Variants in MCPH1 observed in about 807,000 individuals in gnomAD.
MCPH1 encodes microcephalin.
Under a neutral mutation model 84.5 loss-of-function variants are expected in MCPH1, and 104 were observed. That is an observed-to-expected ratio of 1.23 (90% CI 1.05 to 1.45). The LOEUF is 1.45. Among genes scored for constraint, MCPH1 ranks in the 40% most tolerant of loss-of-function variants. The probability of loss-of-function intolerance (pLI) is 0.00; values close to 1 mark genes in which losing one functional copy is unlikely to be tolerated. For synonymous variants in MCPH1, 514 were observed against 366.8 expected (o/e 1.40, Z -4.58); for missense variants, 1,498 against 1,005.7 (o/e 1.49, Z -6.62).
chr8:6,633,422 A>G (rs1285085607), intron 13 of MCPH1, among the ~76,000 whole-genome samples: 1 of 152,214 alleles, frequency 6.6e-6, no homozygotes, highest in Non-Finnish European at 1.5e-5. Flanking sequence ...ATAGTAAATA[A>G]TAGTGGATTC....
In MCPH1 at chr8:6,630,214, G is replaced by A. The variant is rs2928591; in HGVS notation, c.2452+8523G>A. Among the ~76,000 whole-genome samples the A allele has an allele frequency of 1.0e-3, 157 of 152,256 alleles. 1 individual carries two copies. Among genetic ancestry groups the A allele is most frequent in the African/African-American group, 3.7e-3 (153 of 41,546 alleles). On this transcript the variant is annotated intron_variant, in intron 13 of 13. Coordinates refer to ENST00000344683, the MANE Select transcript of MCPH1 (RefSeq NM_024596.5). ...CAATAGCAAAAAACTGACTTCTTTGGCTGGGAAAAACTTATAAATATTAAA... is the reference window on the plus strand; with the variant it reads ...CAATAGCAAAAAACTGACTTCTTTGACTGGGAAAAACTTATAAATATTAAA...
At chr8:6,463,286 C>T (rs1031949767) in intron 9 of MCPH1, among the ~76,000 whole-genome samples, 2 of 152,116 alleles carry the variant, frequency 1.3e-5, no homozygotes, top group Non-Finnish European at 2.9e-5. Context: ...CCTCAGTTTT[C>T]GAGAGATGCT....
chr8:6,543,364 C>T (rs150536307), intron 12 of MCPH1, among the ~76,000 whole-genome samples: 40 of 152,258 alleles, frequency 2.6e-4, no homozygotes, highest in African/African-American at 7.9e-4. Flanking sequence ...AACTGCTCCT[C>T]GTCTCCTGCC....
At chr8:6,603,304 G>C (rs1253857522) in intron 12 of MCPH1, among the ~76,000 whole-genome samples, 1 of 152,072 alleles carries the variant, frequency 6.6e-6, no homozygotes, top group Non-Finnish European at 1.5e-5. Context: ...GATTGTGCAG[G>C]GGTGGAATGG....
rs2129559816 is a variant in MCPH1, at chr8:6,480,866, C to T, written c.2126C>T (p.Ser709Phe). 5 of 1,614,082 alleles carry T rather than the reference C, an allele frequency of 3.1e-6. No homozygotes were observed. The highest frequency in any genetic ancestry group is 2.5e-6 in the Non-Finnish European group (3 of 1,180,034). The change falls in exon 11 of 14, where the codon TCT becomes TTT. Residue 709 changes from serine (S) to phenylalanine (F), a missense_variant. Transcript: ENST00000344683. ...LGIARGCWVL[S>F]YDWVLWSLEL... ...ATTGCGCGTGGCTGCTGGGTTCTCT[C>T]TTATGATTGGGTAAGCCCTGTGTGT...
intron 12 of MCPH1, chr8:6,519,950 T>C: frequency 6.2e-7 from 1 of 1,614,136 alleles, no homozygotes; most frequent in Middle Eastern, 1.6e-4. Flanking sequence ...GCACAGTCTC[T>C]GAAGCTGATT....
chr8:6,580,302 C>T (rs1005272283), intron 12 of MCPH1, among the ~76,000 whole-genome samples: 2 of 152,036 alleles, frequency 1.3e-5, no homozygotes, highest in South Asian at 2.1e-4. Flanking sequence ...GTCAGCCCTT[C>T]GCAGATGCTC....
chr8:6,406,897 C>T (rs1284153599), intron 1 of MCPH1, among the ~76,000 whole-genome samples: 1 of 37,990 alleles, frequency 2.6e-5, no homozygotes, highest in East Asian at 9.4e-4. Flanking sequence ...CGCTGCCTGT[C>T]CCCCCAAAAC....
chr8:6,493,565 G>A (rs1329321783), intron 11 of MCPH1, among the ~76,000 whole-genome samples: 1 of 152,150 alleles, frequency 6.6e-6, no homozygotes, highest in Non-Finnish European at 1.5e-5. Flanking sequence ...CTTTCTTTAT[G>A]AGACAGCTAG....
At chr8:6,528,991 A>G (rs1818925780) in intron 12 of MCPH1, among the ~76,000 whole-genome samples, 1 of 152,202 alleles carries the variant, frequency 6.6e-6, no homozygotes, top group African/African-American at 2.4e-5. Context: ...TTGAGTCCAA[A>G]CATTCTATGT....
intron 13 of MCPH1, among the ~76,000 whole-genome samples, chr8:6,636,770 C>G (rs1797588202): frequency 6.6e-6 from 1 of 152,172 alleles, no homozygotes. Context: ...TTCAAGATCT[C>G]TCATTGTCCA....
At chr8:6,419,117 T>G (rs981027717) in intron 3 of MCPH1, among the ~76,000 whole-genome samples, 1 of 144,042 alleles carries the variant, frequency 6.9e-6, no homozygotes, top group African/African-American at 2.7e-5. Flanking sequence ...CCTTTTATAT[T>G]TATATACACA....
chr8:6,534,120 G>T (rs894178504), intron 12 of MCPH1, among the ~76,000 whole-genome samples: 1 of 152,126 alleles, frequency 6.6e-6, no homozygotes, highest in Non-Finnish European at 1.5e-5. Flanking sequence ...GGATGGGTCA[G>T]ATGAGCAGGA....
chr8:6,462,049 G>C (rs1209205632), intron 9 of MCPH1, among the ~76,000 whole-genome samples: 1 of 152,212 alleles, frequency 6.6e-6, no homozygotes, highest in African/African-American at 2.4e-5. Flanking sequence ...CCAGCTTGTT[G>C]CATGTGAAGG....
chr8:6,458,320 A>T (rs1356030738), intron 9 of MCPH1, among the ~76,000 whole-genome samples: 1 of 151,868 alleles, frequency 6.6e-6, no homozygotes, highest in African/African-American at 2.4e-5. Context: ...GAAATACAAA[A>T]AATTAGCTGG....
chr8:6,576,411 C>G (rs1563147739), intron 12 of MCPH1, among the ~76,000 whole-genome samples: 1 of 152,070 alleles, frequency 6.6e-6, no homozygotes, highest in African/African-American at 2.4e-5. Flanking sequence ...GCTCATTATC[C>G]TCGCTAAAAT....
At chr8:6,573,182 A>G (rs1244367852) in intron 12 of MCPH1, among the ~76,000 whole-genome samples, 2 of 152,214 alleles carry the variant, frequency 1.3e-5, no homozygotes, top group African/African-American at 2.4e-5. Context: ...TACCCTGGAC[A>G]TAAAGCATTT....
intron 11 of MCPH1, among the ~76,000 whole-genome samples, chr8:6,486,617 T>G (rs567791413): frequency 6.6e-6 from 1 of 152,358 alleles, no homozygotes; most frequent in East Asian, 1.9e-4. Flanking sequence ...TTTTCCATGT[T>G]TACAGCAGTT....
At chr8:6,498,414 G>A (rs923504904) in intron 11 of MCPH1, among the ~76,000 whole-genome samples, 1 of 152,166 alleles carries the variant, frequency 6.6e-6, no homozygotes, top group Non-Finnish European at 1.5e-5. Context: ...AACTGAATTA[G>A]TGTTTTCTCC....
Sources: allele counts gnomAD v4.1 joint callset (sites outside exome capture counted in the v4.1 genomes callset), GRCh38; gene constraint gnomAD v4.1.1; transcripts MANE v1.5; gene names NCBI Gene and HGNC (gene_info 2026-07-23, HGNC 2026-07-21).